PGCKA1: variants seen among roughly 807,000 people sequenced by gnomAD.
The protein encoded by PGCKA1 is PDCD10 and GCKIII kinases associated 1, also known as PDCD10 and GCKIII kinases-associated protein 1.
chr4:37,559,959 T>C, the PGCKA1 span, among the ~76,000 whole-genome samples: 23 of 152,330 alleles, frequency 1.5e-4, no homozygotes, highest in African/African-American at 4.8e-4. Context: ...TTATCTTCCT[T>C]TAAGGTTCAT....
the PGCKA1 span, among the ~76,000 whole-genome samples, chr4:37,542,212 A>G: frequency 8.2e-3 from 1,251 of 152,204 alleles, 19 homozygotes; most frequent in African/African-American, 0.029. Flanking sequence ...TTAAATTATT[A>G]CCACCAGGTG....
the PGCKA1 span, among the ~76,000 whole-genome samples, chr4:37,509,789 C>T: frequency 3.3e-5 from 5 of 151,874 alleles, no homozygotes; most frequent in South Asian, 2.1e-4. Context: ...AGCGAAACCC[C>T]GTCTCCACCA....
At chr4:37,489,733 G>A in the PGCKA1 span, among the ~76,000 whole-genome samples, 1 of 152,062 alleles carries the variant, frequency 6.6e-6, no homozygotes, top group Non-Finnish European at 1.5e-5. Context: ...GACCTGGGAT[G>A]ACAAAAAATA....
chr4:37,490,587 C>T, the PGCKA1 span, among the ~76,000 whole-genome samples: 4 of 152,152 alleles, frequency 2.6e-5, no homozygotes, highest in African/African-American at 9.7e-5. Flanking sequence ...CATCACCATA[C>T]GTCACACACA....
the PGCKA1 span, chr4:37,591,645 C>T: frequency 6.6e-6 from 1 of 152,180 alleles, no homozygotes; most frequent in Non-Finnish European, 1.5e-5. Context: ...ACACCTTGAC[C>T]TTAACTTTTT....
At chr4:37,464,228 A>G in the PGCKA1 span, among the ~76,000 whole-genome samples, 4 of 152,224 alleles carry the variant, frequency 2.6e-5, no homozygotes, top group Non-Finnish European at 5.9e-5. Flanking sequence ...TCAAAAGAGG[A>G]GAAGCTATGG....
chr4:37,550,957 C>T, the PGCKA1 span, among the ~76,000 whole-genome samples: 1 of 152,094 alleles, frequency 6.6e-6, no homozygotes, highest in Non-Finnish European at 1.5e-5. Context: ...AGAAAAAATT[C>T]ACTCATTCTG....
the PGCKA1 span, among the ~76,000 whole-genome samples, chr4:37,522,934 A>T: frequency 6.6e-6 from 1 of 152,076 alleles, no homozygotes; most frequent in Admixed American, 6.6e-5. Context: ...GCCAGGAGCC[A>T]TGCAGCCTGT....
chr4:37,454,669 T>C, the PGCKA1 span, among the ~76,000 whole-genome samples: 1 of 152,204 alleles, frequency 6.6e-6, no homozygotes, highest in African/African-American at 2.4e-5. Context: ...TTGCTAAATA[T>C]TTAATAATTA....
At chr4:37,558,260 T>C in the PGCKA1 span, among the ~76,000 whole-genome samples, 1 of 152,324 alleles carries the variant, frequency 6.6e-6, no homozygotes, top group African/African-American at 2.4e-5. Context: ...AATTGCTGTT[T>C]CCTTTTTACG....
At chr4:37,529,659 G>A in the PGCKA1 span, among the ~76,000 whole-genome samples, 3 of 152,288 alleles carry the variant, frequency 2.0e-5, no homozygotes, top group South Asian at 4.1e-4. Flanking sequence ...ACTCTATTCC[G>A]GAGGGGAAAA....
chr4:37,559,401 A>G, the PGCKA1 span, among the ~76,000 whole-genome samples: 1 of 139,026 alleles, frequency 7.2e-6, no homozygotes, highest in Non-Finnish European at 1.5e-5. Flanking sequence ...CAATGAGAAC[A>G]CATGGACACA....
At chr4:37,479,298 T>G in the PGCKA1 span, among the ~76,000 whole-genome samples, 1 of 152,234 alleles carries the variant, frequency 6.6e-6, no homozygotes, top group East Asian at 1.9e-4. Flanking sequence ...TTTCAAAGGA[T>G]GCTAATTTAT....
At chr4:37,500,658 G>C in the PGCKA1 span, among the ~76,000 whole-genome samples, 1 of 152,196 alleles carries the variant, frequency 6.6e-6, no homozygotes, top group African/African-American at 2.4e-5. Flanking sequence ...GCTGAGTTCA[G>C]GTCCCAAATT....
chr4:37,554,189 A>T, the PGCKA1 span, among the ~76,000 whole-genome samples: 1 of 152,280 alleles, frequency 6.6e-6, no homozygotes, highest in Non-Finnish European at 1.5e-5. Flanking sequence ...GTGCCTTTGC[A>T]TCTGCTTCAC....
At chr4:37,555,642 A>G in the PGCKA1 span, among the ~76,000 whole-genome samples, 1 of 152,210 alleles carries the variant, frequency 6.6e-6, no homozygotes, top group Non-Finnish European at 1.5e-5. Flanking sequence ...TACAGGGAAT[A>G]CAGTATAATC....
At chr4:37,558,566 A>G in the PGCKA1 span, among the ~76,000 whole-genome samples, 28 of 152,050 alleles carry the variant, frequency 1.8e-4, no homozygotes, top group Non-Finnish European at 2.9e-4. Context: ...ACCAAAAGCA[A>G]TGGCAACAAA....
chr4:37,544,939 T>G, the PGCKA1 span, among the ~76,000 whole-genome samples: 159 of 151,980 alleles, frequency 1.0e-3, no homozygotes, highest in African/African-American at 3.7e-3. Context: ...GGGCACAACC[T>G]CTGCCCCCCG....
At chr4:37,515,329 A>G in the PGCKA1 span, among the ~76,000 whole-genome samples, 1 of 152,096 alleles carries the variant, frequency 6.6e-6, no homozygotes, top group African/African-American at 2.4e-5. Flanking sequence ...AAGCTACCCA[A>G]TCTATGGTAC....
Sources: allele counts gnomAD v4.1 joint callset (sites outside exome capture counted in the v4.1 genomes callset), GRCh38; gene constraint gnomAD v4.1.1; transcripts MANE v1.5; gene names NCBI Gene and HGNC (gene_info 2026-07-23, HGNC 2026-07-21).